Variants in BEND7 observed in about 807,000 individuals in gnomAD.
The protein encoded by BEND7 is BEN domain containing 7, also known as BEN domain-containing protein 7.
BEND7 carries 28 observed loss-of-function variants against 50.9 expected under a neutral mutation model. That is an observed-to-expected ratio of 0.55 (90% CI 0.41 to 0.75). The LOEUF (loss-of-function observed/expected upper bound fraction) is 0.75, where lower values mean the gene tolerates loss of function less well. Among genes scored for constraint, BEND7 ranks in the 30% least tolerant of loss-of-function variants. The pLI is 0.00. For synonymous variants in BEND7, 170 were observed against 183.9 expected, an observed-to-expected ratio of 0.92 and a Z score of 0.61; for missense variants, 477 against 491.3, an observed-to-expected ratio of 0.97 and a Z score of 0.28.
intron 5 of BEND7, among the ~76,000 whole-genome samples, chr10:13,492,122 C>T (rs971291541): frequency 2.0e-5 from 3 of 152,022 alleles, no homozygotes; most frequent in South Asian, 4.1e-4. Context: ...TATCATTACA[C>T]GGAGTAAATG....
intron 6 of BEND7, among the ~76,000 whole-genome samples, chr10:13,477,354 CGTTT>C (rs2075528621): frequency 6.6e-6 from 1 of 152,124 alleles, no homozygotes; most frequent in Admixed American, 6.5e-5. Context: ...TTTACAAAAT[CGTTT>C]CCAAGGGGTG....
At chr10:13,479,287 G>A (rs367948111) in intron 6 of BEND7, among the ~76,000 whole-genome samples, 47 of 152,216 alleles carry the variant, frequency 3.1e-4, no homozygotes, top group African/African-American at 1.1e-3. Flanking sequence ...GGGATTACAG[G>A]TTTGAGCCAC....
chr10:13,499,855 C>A lies in BEND7; in HGVS notation c.371G>T (p.Ser124Ile), dbSNP rs767270451. 2.5e-6 allele frequency: 4 copies of A among 1,614,182 alleles called. No homozygotes were observed. The East Asian group carries it at 6.7e-5, about 27-fold the overall frequency. ...GCCATACTGCCCTGAGAACTGTCCA[C>A]TCTGGGGCGGTAGCTCATTCCACAC... is the stretch of plus-strand genomic sequence containing the variant. ...RGVWNELPPQ[S>I]GQFSGQYGTR... is the part of the protein sequence containing the mutation. The change falls in exon 3 of 9, where the codon AGT (serine) becomes ATT (isoleucine). Residue 124 changes from serine (S) to isoleucine (I), a missense_variant. Coordinates refer to ENST00000466271, the MANE Select transcript of BEND7 (RefSeq NM_001369863.1).
chr10:13,441,451 A>G lies in BEND7; in HGVS notation c.*292T>C, dbSNP rs962242289. 2 of 1,263,966 alleles carry G rather than the reference A, an allele frequency of 1.6e-6. No individual in the cohort carries two copies. The highest frequency in any genetic ancestry group is 3.1e-5 in the African/African-American group (2 of 65,216). The allele number at this position is 1,263,966 out of a possible 1,614,324, so 78.3% of individuals were successfully genotyped here. ...GTGTGTAGATCCGTTCATCGCACAC[A>G]TCTTTGGGTTGAACAAGCTCCACCC... On this transcript the variant is annotated 3_prime_UTR_variant, in exon 9 of 9. Coordinates refer to ENST00000466271, the MANE Select transcript of BEND7 (RefSeq NM_001369863.1).
chr10:13,449,245 TG>T (rs746762339), intron 7 of BEND7, among the ~76,000 whole-genome samples: 31 of 152,348 alleles, frequency 2.0e-4, no homozygotes, highest in East Asian at 1.2e-3. Context: ...CTAATTGGTT[TG>T]AGTGAGTTGG....
chr10:13,521,218 C>T (rs1053990047), intron 2 of BEND7, among the ~76,000 whole-genome samples: 10 of 151,658 alleles, frequency 6.6e-5, no homozygotes, highest in Non-Finnish European at 1.5e-4. Context: ...CTTGGGAGCA[C>T]GTTTGAACAA....
chr10:13,472,225 A>G (rs2074932035), intron 6 of BEND7, among the ~76,000 whole-genome samples: 1 of 150,600 alleles, frequency 6.6e-6, no homozygotes, highest in African/African-American at 2.5e-5. Flanking sequence ...GCTGATATCC[A>G]TCATCGCTAT....
rs1027020065 is a variant in BEND7 at position 13,441,226 on chromosome 10, TA to T, written c.*516del. ...TCTTTTTTAAAGAACATAGTAATTT[TA>T]AAAAATCTAAATATTTACATATTAA... On this transcript the variant is annotated 3_prime_UTR_variant, in exon 9 of 9. Coordinates refer to ENST00000466271, the MANE Select transcript of BEND7 (RefSeq NM_001369863.1). 1.1e-6 allele frequency: 1 copy of T among 911,032 alleles called. No individual in the cohort carries two copies. Among genetic ancestry groups the T allele is most frequent in the African/African-American group, 1.8e-5 (1 of 55,742 alleles). The allele number at this position is 911,032 out of a possible 1,614,324, so 56.4% of individuals were successfully genotyped here.
chr10:13,473,146 T>C (rs1265689741), intron 6 of BEND7, among the ~76,000 whole-genome samples: 5 of 151,828 alleles, frequency 3.3e-5, no homozygotes, highest in Non-Finnish European at 1.5e-5. Flanking sequence ...TTGGGGTTGA[T>C]ACCTGTCATC....
intron 6 of BEND7, among the ~76,000 whole-genome samples, chr10:13,475,604 T>C (rs2075369081): frequency 6.6e-6 from 1 of 152,220 alleles, no homozygotes; most frequent in Non-Finnish European, 1.5e-5. Flanking sequence ...AATTGATGTA[T>C]AGCTATATTT....
At chr10:13,490,763 G>A (rs1157034826) in intron 5 of BEND7, among the ~76,000 whole-genome samples, 1 of 152,138 alleles carries the variant, frequency 6.6e-6, no homozygotes, top group East Asian at 1.9e-4. Context: ...AGCTGTTCTA[G>A]CAACACTGGG....
chr10:13,505,088 A>G (rs2077773786), intron 2 of BEND7, among the ~76,000 whole-genome samples: 1 of 152,280 alleles, frequency 6.6e-6, no homozygotes, highest in Non-Finnish European at 1.5e-5. Flanking sequence ...GCGAATGCTC[A>G]TCATTTTGTG....
intron 5 of BEND7, among the ~76,000 whole-genome samples, chr10:13,483,690 T>G (rs1564332109): frequency 1.3e-5 from 2 of 152,112 alleles, no homozygotes; most frequent in African/African-American, 4.8e-5. Context: ...CCTCCATGTG[T>G]AGGAATCTGA....
intron 5 of BEND7, among the ~76,000 whole-genome samples, chr10:13,489,181 A>G (rs1437460644): frequency 6.6e-6 from 1 of 152,104 alleles, no homozygotes; most frequent in Non-Finnish European, 1.5e-5. Context: ...AGAGAAATGG[A>G]GTGGGGAGGG....
downstream of BEND7, among the ~76,000 whole-genome samples, chr10:13,440,381 C>T (rs1032394645): frequency 2.6e-5 from 4 of 152,252 alleles, no homozygotes; most frequent in South Asian, 2.1e-4. Flanking sequence ...GCAAGACTCA[C>T]GGGCTGGAGC....
intron 6 of BEND7, among the ~76,000 whole-genome samples, chr10:13,476,411 G>T (rs1006684338): frequency 1.3e-5 from 2 of 152,130 alleles, no homozygotes; most frequent in African/African-American, 4.8e-5. Context: ...CATGAACTAA[G>T]AACCCCCAAC....
At chr10:13,465,103 A>G (rs1185809793) in intron 6 of BEND7, among the ~76,000 whole-genome samples, 4 of 152,234 alleles carry the variant, frequency 2.6e-5, no homozygotes, top group Non-Finnish European at 5.9e-5. Context: ...CTGCTGGCAC[A>G]TAATAGGCAG....
intron 1 of BEND7, 68 bp from the exon 2 acceptor site, chr10:13,526,289 T>C (rs1263932087): frequency 2.9e-6 from 2 of 687,308 alleles, no homozygotes; most frequent in Non-Finnish European, 2.1e-6. Flanking sequence ...CAGTCAAGTC[T>C]AGAATCTCAT....
chr10:13,464,478 G>A (rs2074028270), intron 6 of BEND7, among the ~76,000 whole-genome samples: 1 of 152,102 alleles, frequency 6.6e-6, no homozygotes, highest in Non-Finnish European at 1.5e-5. Context: ...GGATTGACGG[G>A]AACACAAGTG....
Sources: allele counts gnomAD v4.1 joint callset (sites outside exome capture counted in the v4.1 genomes callset), GRCh38; gene constraint gnomAD v4.1.1; transcripts MANE v1.5; gene names NCBI Gene and HGNC (gene_info 2026-07-23, HGNC 2026-07-21).